PRKCE: variants seen among roughly 807,000 people sequenced by gnomAD.
The protein encoded by PRKCE is protein kinase C epsilon type.
Under a neutral mutation model 85.4 loss-of-function variants are expected in PRKCE, and 16 were observed. That is an observed-to-expected ratio of 0.19 (90% CI 0.13 to 0.28). PRKCE has a LOEUF of 0.28. Ranked by LOEUF, PRKCE falls within the 10% of genes least tolerant of loss-of-function variation. The pLI, the probability that PRKCE is intolerant of heterozygous loss-of-function variation, is 1.00. For synonymous variants in PRKCE, 388 were observed against 371.5 expected (o/e 1.04, Z -0.51); for missense variants, 573 against 975.2 (o/e 0.59, Z 5.49).
At chr2:45,965,800 T>G (rs1383102625) in intron 2 of PRKCE, among the ~76,000 whole-genome samples, 1 of 152,228 alleles carries the variant, frequency 6.6e-6, no homozygotes, top group African/African-American at 2.4e-5. Flanking sequence ...TTTTTTCTCA[T>G]TTTATACAAA....
intron 10 of PRKCE, among the ~76,000 whole-genome samples, chr2:46,075,242 C>T (rs1391225200): frequency 4.6e-5 from 7 of 151,784 alleles, no homozygotes; most frequent in Admixed American, 4.6e-4. Context: ...AGGGTTTCAC[C>T]GTATTAGCCA....
chr2:46,059,067 T>C (rs147125624), intron 10 of PRKCE, among the ~76,000 whole-genome samples: 2 of 152,308 alleles, frequency 1.3e-5, no homozygotes, highest in South Asian at 2.1e-4. Flanking sequence ...GCCTGTAACG[T>C]GGCAAGACCG....
chr2:45,918,059 C>A (rs577640734), intron 2 of PRKCE, among the ~76,000 whole-genome samples: 355 of 152,346 alleles, frequency 2.3e-3, no homozygotes, highest in Middle Eastern at 0.014. Flanking sequence ...GCCTCTCCCT[C>A]CACACCTCCC....
intron 11 of PRKCE, among the ~76,000 whole-genome samples, chr2:46,106,322 G>T (rs541365709): frequency 6.6e-6 from 1 of 152,016 alleles, no homozygotes; most frequent in South Asian, 2.1e-4. Flanking sequence ...TCCCACTCTG[G>T]CATTAAGAAA....
chr2:45,926,527 G>C (rs922338469), intron 2 of PRKCE, among the ~76,000 whole-genome samples: 1 of 152,164 alleles, frequency 6.6e-6, no homozygotes, highest in Non-Finnish European at 1.5e-5. Flanking sequence ...ATATTACATA[G>C]CTCTTCCATA....
chr2:45,671,075 G>C (rs143859480), intron 1 of PRKCE, among the ~76,000 whole-genome samples: 77 of 152,320 alleles, frequency 5.1e-4, no homozygotes, highest in African/African-American at 1.8e-3. Context: ...ACTGGCACTG[G>C]AGAGTTTTGT....
intron 1 of PRKCE, among the ~76,000 whole-genome samples, chr2:45,682,437 T>C (rs924011021): frequency 6.6e-6 from 1 of 150,792 alleles, no homozygotes; most frequent in Non-Finnish European, 1.5e-5. Flanking sequence ...TATTTATTTA[T>C]TTTTTTTGAG....
chr2:45,656,654 C>T (rs1675392890), intron 1 of PRKCE, among the ~76,000 whole-genome samples: 2 of 152,118 alleles, frequency 1.3e-5, no homozygotes, highest in Non-Finnish European at 2.9e-5. Flanking sequence ...TTATATAGAT[C>T]CATATAGATA....
intron 14 of PRKCE, among the ~76,000 whole-genome samples, chr2:46,183,174 A>C (rs11693321): frequency 0.18 from 26,681 of 152,210 alleles, 2,757 homozygotes; most frequent in Non-Finnish European, 0.24. Context: ...TAAACTATTT[A>C]GGAAAACAAA....
chr2:46,039,106 C>T (rs968438584), intron 10 of PRKCE, among the ~76,000 whole-genome samples: 2 of 152,158 alleles, frequency 1.3e-5, no homozygotes, highest in African/African-American at 4.8e-5. Context: ...TTTGGTCAAT[C>T]TACTTCTCTG....
chr2:45,896,508 A>G lies in PRKCE; in HGVS notation c.412+53445A>G, dbSNP rs148026221. 2.9e-3 allele frequency among the ~76,000 whole-genome samples: 445 copies of G among 152,206 alleles called. 3 individuals carry two copies. Among genetic ancestry groups the G allele is most frequent in the African/African-American group, 0.01 (420 of 41,518 alleles). ...CTTCCCACTTTTGCTTTTTTTCTGA[A>G]CTTCTCTTTTCTGACTTTTATATAC... On this transcript the variant is annotated intron_variant, in intron 2 of 14. Transcript: ENST00000306156.
intron 2 of PRKCE, among the ~76,000 whole-genome samples, chr2:45,877,428 C>T (rs1259668050): frequency 6.6e-6 from 1 of 152,028 alleles, no homozygotes; most frequent in Admixed American, 6.6e-5. Flanking sequence ...CTTTCTTCTA[C>T]GTTTTCTATC....
At chr2:45,760,373 C>T (rs747339709) in intron 1 of PRKCE, among the ~76,000 whole-genome samples, 1 of 152,136 alleles carries the variant, frequency 6.6e-6, no homozygotes, top group Non-Finnish European at 1.5e-5. Context: ...CCAGGTGAAT[C>T]GCACAGCTTT....
At chr2:45,698,622 G>T (rs147783753) in intron 1 of PRKCE, among the ~76,000 whole-genome samples, 4 of 152,092 alleles carry the variant, frequency 2.6e-5, no homozygotes. Flanking sequence ...GAGGAAGAGA[G>T]GGGGAGGGGT....
chr2:46,042,932 C>T (rs1033690864), intron 10 of PRKCE, among the ~76,000 whole-genome samples: 1 of 152,140 alleles, frequency 6.6e-6, no homozygotes, highest in South Asian at 2.1e-4. Flanking sequence ...TTTCAGAAAC[C>T]ACATTGGCCT....
chr2:45,734,353 G>C (rs1681858352), intron 1 of PRKCE, among the ~76,000 whole-genome samples: 2 of 148,586 alleles, frequency 1.3e-5, no homozygotes, highest in Admixed American at 1.3e-4. Context: ...AATAGAGCAA[G>C]ACTCCATCTC....
At chr2:45,890,591 G>A (rs1277448241) in intron 2 of PRKCE, among the ~76,000 whole-genome samples, 4 of 152,072 alleles carry the variant, frequency 2.6e-5, no homozygotes, top group Non-Finnish European at 5.9e-5. Flanking sequence ...ATGGTGGCCA[G>A]GCTGGTCTCG....
At chr2:45,847,017 T>C (rs1241261379) in intron 2 of PRKCE, among the ~76,000 whole-genome samples, 1 of 152,162 alleles carries the variant, frequency 6.6e-6, no homozygotes, top group Non-Finnish European at 1.5e-5. Context: ...TGGGACATGT[T>C]CACAAGGGCC....
At chr2:45,881,151 T>C (rs1404420126) in intron 2 of PRKCE, among the ~76,000 whole-genome samples, 1 of 58,958 alleles carries the variant, frequency 1.7e-5, no homozygotes, top group African/African-American at 9.1e-5. Context: ...AGACTCCGTC[T>C]CAAAAAAAAA....
Sources: allele counts gnomAD v4.1 joint callset (sites outside exome capture counted in the v4.1 genomes callset), GRCh38; gene constraint gnomAD v4.1.1; transcripts MANE v1.5; gene names NCBI Gene and HGNC (gene_info 2026-07-23, HGNC 2026-07-21).